The following GMPR variants were observed in gnomAD, a reference collection of about 807,000 sequenced individuals.
GMPR encodes guanosine monophosphate reductase.
Under a neutral mutation model 38.4 loss-of-function variants are expected in GMPR, and 31 were observed. That is an observed-to-expected ratio of 0.81 (90% CI 0.61 to 1.09). GMPR has a LOEUF of 1.09. Ranked by LOEUF, GMPR falls within the 50% of genes least tolerant of loss-of-function variation. The pLI is 0.00. For missense variants in GMPR, 468 were observed against 453.7 expected (o/e 1.03, Z -0.29); for synonymous variants, 162 against 173.3 (o/e 0.93, Z 0.51).
intron 5 of GMPR, among the ~76,000 whole-genome samples, chr6:16,276,838 A>G (rs995137965): frequency 2.0e-5 from 3 of 152,214 alleles, no homozygotes; most frequent in African/African-American, 7.2e-5. Flanking sequence ...AGCATCAGAA[A>G]CGGATTCCCT....
Position 16,290,461 on chromosome 6 carries a change from G to A in GMPR, c.698-1G>A, listed in dbSNP as rs767281187. 2.5e-6 allele frequency: 4 copies of A among 1,613,698 alleles called. No homozygotes were observed. Among genetic ancestry groups the A allele is most frequent in the Non-Finnish European group, 3.4e-6 (4 of 1,179,618 alleles). ...CTTTCATCCCCACCGTTGGCATTTAGGAGCTGGAGCAGATTTTGTCATGCT... is the reference window on the plus strand; with the variant it reads ...CTTTCATCCCCACCGTTGGCATTTAAGAGCTGGAGCAGATTTTGTCATGCT... On this transcript the variant is annotated splice_acceptor_variant, in intron 7 of 8. Coordinates refer to ENST00000259727, the MANE Select transcript of GMPR (RefSeq NM_006877.4). LOFTEE classifies it high-confidence loss of function.
Position 16,278,880 on chromosome 6 carries a change from A to G in GMPR, c.644A>G (p.His215Arg). 1 of 1,608,308 alleles carries G rather than the reference A, an allele frequency of 6.2e-7. No homozygotes were observed. Among genetic ancestry groups the G allele is most frequent in the Non-Finnish European group, 8.5e-7 (1 of 1,174,964 alleles). ...GACTCTGCCCATGGCCTGAAGGGCCACATCATCTCTGTGAGTCTCCACCCG... is the reference window on the plus strand; with the variant it reads ...GACTCTGCCCATGGCCTGAAGGGCCGCATCATCTCTGTGAGTCTCCACCCG... ...CADSAHGLKG[H>R]IISDGGCTCP... The change falls in exon 6 of 9, where the codon CAC becomes CGC. Residue 215 changes from histidine (H) to arginine (R), a missense_variant. Transcript: ENST00000259727.
In GMPR at chr6:16,267,786, C is replaced by G. The variant is rs140488479; in HGVS notation, c.466-6629C>G. Among the ~76,000 whole-genome samples the G allele has an allele frequency of 7.4e-4, 112 of 152,270 alleles. 3 individuals are homozygous for G. In the East Asian group the frequency reaches 0.019, roughly 26 times the overall value. On this transcript the variant is annotated intron_variant, in intron 4 of 8. Coordinates refer to ENST00000259727, the MANE Select transcript of GMPR (RefSeq NM_006877.4). ...GATCTGGTCTGGAGGAAATAGGTGC[C>G]TGAGATCTAATGTGTTCAGATTAGA...
At chr6:16,275,630 G>A (rs555296549) in intron 5 of GMPR, among the ~76,000 whole-genome samples, 4 of 152,142 alleles carry the variant, frequency 2.6e-5, no homozygotes, top group African/African-American at 4.8e-5. Flanking sequence ...ATAAGGCCTC[G>A]TTCTTCCTTT....
In GMPR at chr6:16,252,183, T is replaced by C. The variant is rs143513966; in HGVS notation, c.291+1816T>C. On this transcript the variant is annotated intron_variant, in intron 3 of 8. Transcript: ENST00000259727. ...AAGTGAATTGTGTTTGTTTTCACTT[T>C]CTTCTGTTTTTCCCTATAATAAGTT... Among the ~76,000 whole-genome samples, 762 of 152,352 alleles carry C rather than the reference T, an allele frequency of 5.0e-3. 2 individuals carry two copies. The highest frequency in any genetic ancestry group is 6.9e-3 in the Non-Finnish European group (472 of 68,030).
At chr6:16,282,178 A>T (rs1313250940) in intron 6 of GMPR, among the ~76,000 whole-genome samples, 1 of 152,242 alleles carries the variant, frequency 6.6e-6, no homozygotes, top group African/African-American at 2.4e-5. Flanking sequence ...TCTGTTGAGC[A>T]TGTACTGATA....
chr6:16,274,649 G>A (rs900102739), intron 5 of GMPR, among the ~76,000 whole-genome samples, 153 bp downstream of exon 5: 13 of 152,216 alleles, frequency 8.5e-5, no homozygotes, highest in African/African-American at 2.4e-4. Context: ...TGAGCTTCTC[G>A]GGGAAGCCCC....
intron 7 of GMPR, among the ~76,000 whole-genome samples, chr6:16,286,986 T>A (rs757995664): frequency 7.9e-5 from 12 of 152,138 alleles, no homozygotes; most frequent in Non-Finnish European, 1.3e-4. Flanking sequence ...CAGGGCAGTG[T>A]TCTTAGCAAC....
rs190687064 is a variant in GMPR at position 16,274,254 on chromosome 6, C to A, written c.466-161C>A. On this transcript the variant is annotated intron_variant, in intron 4 of 8. Coordinates refer to ENST00000259727, the MANE Select transcript of GMPR (RefSeq NM_006877.4). ...CAACAGCTCACCCAAGGGGCCTTTC[C>A]CAAAAGTGGTCTCCAGGTATGAAAT... Among the ~76,000 whole-genome samples the A allele has an allele frequency of 1.9e-4, 29 of 152,304 alleles. No individual in the cohort carries two copies. In the East Asian group the frequency reaches 5.6e-3, roughly 29 times the overall value.
intron 7 of GMPR, among the ~76,000 whole-genome samples, chr6:16,288,619 C>G (rs1392110895): frequency 6.6e-6 from 1 of 152,236 alleles, no homozygotes; most frequent in Non-Finnish European, 1.5e-5. Context: ...TCCCGTCAAC[C>G]ATGCAAGGGC....
At chr6:16,254,798 T>A in intron 4 of GMPR, 63 bp downstream of exon 4, 1 of 1,198,188 alleles carries the variant, frequency 8.3e-7, no homozygotes, top group Non-Finnish European at 1.2e-6. Context: ...AGGGAGTTGT[T>A]CAATGTGTCG....
chr6:16,264,665 C>G (rs1759156062), intron 4 of GMPR: 1 of 151,894 alleles, frequency 6.6e-6, no homozygotes, highest in African/African-American at 2.4e-5. Context: ...GGGTTGTTCT[C>G]TGGTGGGCAG....
chr6:16,281,548 C>G (rs1759574331), intron 6 of GMPR, among the ~76,000 whole-genome samples: 1 of 151,936 alleles, frequency 6.6e-6, no homozygotes, highest in Non-Finnish European at 1.5e-5. Context: ...CTGTATCGCC[C>G]AGGCTGGAGT....
chr6:16,294,142 C>T (rs1379919398), intron 8 of GMPR, among the ~76,000 whole-genome samples: 5 of 152,156 alleles, frequency 3.3e-5, no homozygotes, highest in African/African-American at 1.2e-4. Flanking sequence ...TGCCATAGGC[C>T]AGACTTGAGT....
At position 16,295,315 on chromosome 6, in the gene GMPR, G is replaced by A. The variant is rs1001692102; in HGVS notation, c.*129G>A. The A allele has an allele frequency of 2.6e-5, 18 of 697,374 alleles. No homozygotes were observed. The Admixed American group carries it at 5.9e-4, about 23-fold the overall frequency. 43.2% of individuals were successfully genotyped at this position (697,374 alleles called of 1,614,324 possible). A position where few individuals can be genotyped will look rare whatever the true frequency, so the allele number is the denominator to read the frequency against. ...GGTGGAATGCTGTGTCCTCTCTTCT[G>A]TCTCCTGCTGCCTGGAGGCTTCGGG... On this transcript the variant is annotated 3_prime_UTR_variant, in exon 9 of 9. Transcript: ENST00000259727.
At chr6:16,273,681 C>T (rs1056533646) in intron 4 of GMPR, among the ~76,000 whole-genome samples, 2 of 152,192 alleles carry the variant, frequency 1.3e-5, no homozygotes, top group Admixed American at 6.5e-5. Context: ...CTAATTCTGA[C>T]TCTCTGGGGT....
chr6:16,274,486 A>C lies in GMPR; in HGVS notation c.537A>C (p.Gly179=), dbSNP rs771167264. The part of the protein sequence containing the change: ...ILSGADIIKV[G]VGPGSVCTTR... ...CCGGAGCAGATATCATCAAAGTGGG[A>C]GTTGGACCAGGTAAGACTTGTTAGG... is the stretch of plus-strand genomic sequence containing the variant. Residue 179 remains glycine (G), a synonymous_variant, in exon 5 of 9, where the codon GGA becomes GGC. Coordinates refer to ENST00000259727, the MANE Select transcript of GMPR (RefSeq NM_006877.4). 1 of 1,595,630 alleles carries C rather than the reference A, an allele frequency of 6.3e-7. No homozygotes were observed. The highest frequency in any genetic ancestry group is 8.6e-7 in the Non-Finnish European group (1 of 1,163,202).
chr6:16,257,484 C>T lies in GMPR; in HGVS notation c.465+2749C>T, dbSNP rs561424438. 1.6e-4 allele frequency among the ~76,000 whole-genome samples: 24 copies of T among 152,248 alleles called. No homozygotes were observed. In the South Asian group the frequency reaches 5.0e-3, roughly 32 times the overall value. On this transcript the variant is annotated intron_variant, in intron 4 of 8. Transcript: ENST00000259727. The stretch of plus-strand genomic sequence containing the variant: ...TATATATATTCCTTGGTTCCTGAAG[C>T]TAATCTTTAATATCATTTCCTAGAT...
Position 16,285,807 on chromosome 6 carries a change from G to C in GMPR, c.669G>C (p.Thr223=), listed in dbSNP as rs1248311101. The change falls in exon 7 of 9, where the codon ACG becomes ACC. Residue 223 remains threonine, a synonymous_variant. Transcript: ENST00000259727. ...KGHIISDGGC[T]CPGDVAKAFG... Reference sequence around the variant, plus strand: ...CCTCTGTGAAGGATGGAGGCTGTACGTGTCCAGGGGATGTCGCCAAAGCCT... The same window carrying C: ...CCTCTGTGAAGGATGGAGGCTGTACCTGTCCAGGGGATGTCGCCAAAGCCT... 2 of 1,613,140 alleles carry C rather than the reference G, an allele frequency of 1.2e-6. No individual in the cohort carries two copies. Among genetic ancestry groups the C allele is most frequent in the East Asian group, 2.2e-5 (1 of 44,860 alleles).
Sources: allele counts gnomAD v4.1 joint callset (sites outside exome capture counted in the v4.1 genomes callset), GRCh38; gene constraint gnomAD v4.1.1; transcripts MANE v1.5; gene names NCBI Gene and HGNC (gene_info 2026-07-23, HGNC 2026-07-21).